RGS6: variants seen among roughly 807,000 people sequenced by gnomAD.
RGS6 encodes regulator of G protein signaling 6.
A neutral mutation model predicts 78.5 loss-of-function variants in RGS6; 30 were observed. The ratio of observed to expected loss-of-function variants is 0.38; its 90% CI spans 0.29 to 0.52. The LOEUF is 0.52. Ranked by LOEUF, RGS6 falls within the 20% of genes least tolerant of loss-of-function variation. The probability of loss-of-function intolerance (pLI) is 0.85; values close to 1 mark genes in which losing one functional copy is unlikely to be tolerated. For missense variants in RGS6, 495 were observed against 609.7 expected (o/e 0.81, Z 1.98); for synonymous variants, 206 against 206.0 (o/e 1.00, Z 0.00).
chr14:71,917,708 G>A, the RGS6 span, among the ~76,000 whole-genome samples: 2 of 152,192 alleles, frequency 1.3e-5, no homozygotes, highest in African/African-American at 4.8e-5. Context: ...GAAGAACACA[G>A]GGCTGGAACT....
chr14:71,987,628 C>T (rs1014195967), intron 2 of RGS6, among the ~76,000 whole-genome samples: 45 of 152,128 alleles, frequency 3.0e-4, no homozygotes, highest in African/African-American at 1.0e-3. Flanking sequence ...GGGCTTGATC[C>T]TCCCGTCTCA....
chr14:72,006,669 G>A lies in RGS6; in HGVS notation c.84+41794G>A, dbSNP rs111938220. Among the ~76,000 whole-genome samples, 429 of 152,294 alleles carry A rather than the reference G, an allele frequency of 2.8e-3. 2 individuals carry two copies. Among genetic ancestry groups the A allele is most frequent in the African/African-American group, 9.6e-3 (398 of 41,556 alleles). ...AAGAAACTCTGAGTCAAAACCGTCC[G>A]TCTAAATGGCTCCCAATTCCTGACC... On this transcript the variant is annotated intron_variant, in intron 2 of 17. Transcript: ENST00000553525.
intron 3 of RGS6, among the ~76,000 whole-genome samples, chr14:72,391,007 G>A (rs1011995659): frequency 7.2e-5 from 11 of 152,130 alleles, no homozygotes; most frequent in Admixed American, 2.6e-4. Flanking sequence ...AGCTTACAAG[G>A]GTGTTGTCCT....
the RGS6 span, among the ~76,000 whole-genome samples, chr14:72,628,628 C>T: frequency 6.6e-6 from 1 of 151,632 alleles, no homozygotes; most frequent in Non-Finnish European, 1.5e-5. Flanking sequence ...ATGAAGTAGT[C>T]TTGCCAAAAG....
intron 6 of RGS6, among the ~76,000 whole-genome samples, chr14:72,460,156 G>C (rs762745594): frequency 3.3e-5 from 5 of 152,218 alleles, no homozygotes; most frequent in Non-Finnish European, 7.4e-5. Context: ...AGACCAGGGA[G>C]GAGTATACAG....
chr14:71,898,692 G>A, the RGS6 span, among the ~76,000 whole-genome samples: 22,659 of 151,378 alleles, frequency 0.15, 2,485 homozygotes, highest in African/African-American at 0.3. Context: ...GACAGGCCCC[G>A]GTGTGTGATG....
chr14:72,352,480 G>A (rs1002626151), intron 3 of RGS6, among the ~76,000 whole-genome samples: 1 of 152,194 alleles, frequency 6.6e-6, no homozygotes, highest in Non-Finnish European at 1.5e-5. Context: ...AACTTTGCCT[G>A]TGGGATACAC....
chr14:72,504,724 C>CCCCTCCTCTCCCCTT lies in RGS6; in HGVS notation c.966-5424_966-5410dup, dbSNP rs1404625492. Among the ~76,000 whole-genome samples the CCCCTCCTCTCCCCTT allele has an allele frequency of 6.1e-5, 9 of 148,066 alleles. No individual in the cohort carries two copies. In the East Asian group the frequency reaches 1.8e-3, roughly 30 times the overall value. ...AGGTTCCTCTCCCCTCCTCTCCCCT[C>CCCCTCCTCTCCCCTT]CCCTCCTCTCCCCTTCCCTCTCCTT... is the stretch of plus-strand genomic sequence containing the variant. On this transcript the variant is annotated intron_variant, in intron 13 of 17. Coordinates refer to ENST00000553525, the MANE Select transcript of RGS6 (RefSeq NM_001204424.2).
chr14:72,057,322 A>C (rs2093669085), intron 2 of RGS6, among the ~76,000 whole-genome samples: 1 of 149,860 alleles, frequency 6.7e-6, no homozygotes, highest in African/African-American at 2.5e-5. Flanking sequence ...TGAAAAAAAA[A>C]AAAAAAAAAA....
At chr14:71,938,255 A>G (rs1463447838) in intron 1 of RGS6, among the ~76,000 whole-genome samples, 1 of 152,192 alleles carries the variant, frequency 6.6e-6, no homozygotes. Context: ...CAATTTTTCA[A>G]TCATGCTTCT....
chr14:72,423,849 C>G (rs777112776), intron 3 of RGS6, among the ~76,000 whole-genome samples: 1 of 152,208 alleles, frequency 6.6e-6, no homozygotes, highest in Non-Finnish European at 1.5e-5. Flanking sequence ...TATTCATTCC[C>G]AAATCATTTA....
At chr14:72,162,138 A>G (rs1156971367) in intron 2 of RGS6, among the ~76,000 whole-genome samples, 1 of 152,158 alleles carries the variant, frequency 6.6e-6, no homozygotes, top group Non-Finnish European at 1.5e-5. Flanking sequence ...TGCATTTGAC[A>G]TTGCTCATTT....
intron 3 of RGS6, among the ~76,000 whole-genome samples, chr14:72,413,589 G>A (rs2093590820): frequency 6.6e-6 from 1 of 152,172 alleles, no homozygotes; most frequent in South Asian, 2.1e-4. Flanking sequence ...ATTGTTATGT[G>A]TGAATTTGAT....
intron 2 of RGS6, among the ~76,000 whole-genome samples, chr14:72,202,699 A>C (rs1296494970): frequency 6.6e-6 from 1 of 151,900 alleles, no homozygotes; most frequent in East Asian, 1.9e-4. Context: ...CTGTTTCTCT[A>C]CAAGGACTGG....
chr14:72,020,715 T>C (rs2088232422), intron 2 of RGS6, among the ~76,000 whole-genome samples: 1 of 152,112 alleles, frequency 6.6e-6, no homozygotes, highest in African/African-American at 2.4e-5. Context: ...ATAACTAATG[T>C]TTATTAAGCA....
intron 2 of RGS6, among the ~76,000 whole-genome samples, chr14:72,094,957 C>T (rs1369835871): frequency 6.6e-6 from 1 of 152,150 alleles, no homozygotes; most frequent in Non-Finnish European, 1.5e-5. Flanking sequence ...TTCTTAACCA[C>T]TGTGCTTTTG....
chr14:72,248,346 C>T (rs1236466435), intron 2 of RGS6, among the ~76,000 whole-genome samples: 1 of 152,166 alleles, frequency 6.6e-6, no homozygotes, highest in Non-Finnish European at 1.5e-5. Flanking sequence ...AGAATGTCTT[C>T]TCATGGAGTT....
intron 3 of RGS6, among the ~76,000 whole-genome samples, chr14:72,402,790 G>GTTTTTTTTTTTTTTTTTTTTTTTTTGTT (rs1167831473): frequency 1.3e-5 from 1 of 75,800 alleles, no homozygotes; most frequent in African/African-American, 5.5e-5. Flanking sequence ...TGTTTTTTTG[G>GTTTTTTTTTTTTTTTTTTTTTTTTTGTT]TTTTTTTTTT....
chr14:72,348,155 C>A (rs1319860511), intron 2 of RGS6, among the ~76,000 whole-genome samples: 2 of 116,528 alleles, frequency 1.7e-5, no homozygotes, highest in Non-Finnish European at 3.3e-5. Context: ...CATTACTGAA[C>A]CTAATACGCT....
Sources: allele counts gnomAD v4.1 joint callset (sites outside exome capture counted in the v4.1 genomes callset), GRCh38; gene constraint gnomAD v4.1.1; transcripts MANE v1.5; gene names NCBI Gene and HGNC (gene_info 2026-07-23, HGNC 2026-07-21).